Variants in TCEA3 observed in about 807,000 individuals in gnomAD.
TCEA3 encodes transcription elongation factor A protein 3.
In TCEA3, 36 loss-of-function variants were observed where a neutral mutation model predicts 44.0. That is an observed-to-expected ratio of 0.82 (90% CI 0.63 to 1.08). The LOEUF (loss-of-function observed/expected upper bound fraction) is 1.08. Among genes scored for constraint, TCEA3 ranks in the 50% least tolerant of loss-of-function variants. TCEA3 has a pLI of 0.00. For synonymous variants in TCEA3, 162 were observed against 159.7 expected, an observed-to-expected ratio of 1.01 and a Z score of -0.11; for missense variants, 392 against 441.2, an observed-to-expected ratio of 0.89 and a Z score of 1.00.
chr1:23,386,348 C>T (rs1638833963), intron 9 of TCEA3, among the ~76,000 whole-genome samples: 1 of 151,852 alleles, frequency 6.6e-6, no homozygotes, highest in African/African-American at 2.4e-5. Context: ...CATCGCCACC[C>T]ATTTCCCCCG....
intron 4 of TCEA3, among the ~76,000 whole-genome samples, chr1:23,415,736 C>T (rs532175189): frequency 1.3e-5 from 2 of 152,302 alleles, no homozygotes; most frequent in East Asian, 1.9e-4. Flanking sequence ...AAAACACACT[C>T]GTGTGAAAAG....
chr1:23,392,450 A>ACACACACTCCACACATCATGCACACCACG (rs1639073423), intron 8 of TCEA3, among the ~76,000 whole-genome samples: 1 of 52,302 alleles, frequency 1.9e-5, no homozygotes, highest in Non-Finnish European at 4.4e-5. Flanking sequence ...TGCACAATAC[A>ACACACACTCCACACATCATGCACACCACG]CACACACTCC....
At chr1:23,405,955 G>A (rs1409138189) in intron 5 of TCEA3, among the ~76,000 whole-genome samples, 9 of 152,286 alleles carry the variant, frequency 5.9e-5, no homozygotes, top group African/African-American at 1.9e-4. Context: ...GCCACGAAAT[G>A]TCAGGAGTAT....
intron 7 of TCEA3, among the ~76,000 whole-genome samples, chr1:23,396,566 G>A (rs949264082): frequency 2.0e-5 from 3 of 152,216 alleles, no homozygotes; most frequent in East Asian, 1.9e-4. Context: ...CTCCAGTCCC[G>A]CTTTGACAGT....
intron 2 of TCEA3, chr1:23,418,213 A>C: frequency 1.8e-6 from 1 of 569,042 alleles, no homozygotes; most frequent in East Asian, 2.8e-5. Context: ...GCCCAGGGCT[A>C]AGCCTGACAT....
intron 9 of TCEA3, among the ~76,000 whole-genome samples, chr1:23,387,008 C>G (rs554604350): frequency 1.5e-4 from 23 of 152,350 alleles, no homozygotes; most frequent in African/African-American, 5.3e-4. Context: ...GCGTGAGCCA[C>G]CGCGCCCGGC....
chr1:23,417,357 T>C lies in TCEA3; in HGVS notation c.272A>G (p.Glu91Gly). Residue 91 changes from glutamate (E) to glycine (G), a missense_variant, in exon 4 of 11, where the codon GAG becomes GGG. Glu to Gly is a moderately conservative substitution (Grantham distance 98, BLOSUM62 -2). Transcript: ENST00000450454. ...CTTCTTCTTTGCCTTTTCTCTTTCC[T>C]CTCCTTTTTCTCCTTTTGGGGGTCC... ...SPGPPKGEKG[E>G]EREKAKKKEK... The C allele has an allele frequency of 6.2e-7, 1 of 1,613,946 alleles. No homozygotes were observed. Among genetic ancestry groups the C allele is most frequent in the African/African-American group, 1.3e-5 (1 of 75,022 alleles).
chr1:23,390,490 C>CA (rs1175071192), intron 8 of TCEA3, among the ~76,000 whole-genome samples: 2 of 151,766 alleles, frequency 1.3e-5, no homozygotes, highest in South Asian at 2.1e-4. Context: ...AAAGAAAAAA[C>CA]AAAAAACAAA....
rs554744138 is a variant in TCEA3 at position 23,389,459 on chromosome 1, C to T, written c.820-2040G>A. ...AGCTGAGACTGCACCATTGCACTCC[C>T]GCCTGGGCAACAACAGCGAGATTCC... On this transcript the variant is annotated intron_variant, in intron 8 of 10. Coordinates refer to ENST00000450454, the MANE Select transcript of TCEA3 (RefSeq NM_003196.3). 8.1e-5 allele frequency among the ~76,000 whole-genome samples: 12 copies of T among 148,368 alleles called. No homozygotes were observed. The East Asian group carries it at 1.4e-3, about 17-fold the overall frequency.
chr1:23,381,688 T>C (rs1245006470), intron 10 of TCEA3, among the ~76,000 whole-genome samples: 5 of 152,234 alleles, frequency 3.3e-5, no homozygotes, highest in Non-Finnish European at 7.3e-5. Flanking sequence ...TATCAGGTAA[T>C]AAATGAATGG....
At chr1:23,421,410 G>T (rs1640061736) in intron 1 of TCEA3, among the ~76,000 whole-genome samples, 3 of 152,160 alleles carry the variant, frequency 2.0e-5, no homozygotes, top group African/African-American at 7.2e-5. Context: ...TGTTAGCATG[G>T]GCGCAGATCT....
At chr1:23,424,029 C>A (rs903434947) in intron 1 of TCEA3, 3 of 368,432 alleles carry the variant, frequency 8.1e-6, no homozygotes, top group Admixed American at 3.6e-5. Flanking sequence ...TCCTGACGCA[C>A]CAAGCGGTGG....
chr1:23,381,786 G>T (rs1467000609), intron 10 of TCEA3, among the ~76,000 whole-genome samples: 3 of 152,150 alleles, frequency 2.0e-5, no homozygotes, highest in Admixed American at 2.0e-4. Flanking sequence ...TAGACTTTTG[G>T]TCTCCCACAT....
At position 23,405,119 on chromosome 1, in the gene TCEA3, T is replaced by G. The variant is rs189378702; in HGVS notation, c.443+3545A>C. Among the ~76,000 whole-genome samples, 767 of 152,248 alleles carry G rather than the reference T, an allele frequency of 5.0e-3. 5 individuals carry two copies. The highest frequency in any genetic ancestry group is 0.012 in the Admixed American group (180 of 15,276). On this transcript the variant is annotated intron_variant, in intron 5 of 10. Coordinates refer to ENST00000450454, the MANE Select transcript of TCEA3 (RefSeq NM_003196.3). ...TTCAGACAGGCACATACTTTCTAGT[T>G]TGCCATGATCTCCACTAGTCACCCC...
At chr1:23,419,836 G>A (rs757330584) in intron 1 of TCEA3, among the ~76,000 whole-genome samples, 3 of 151,980 alleles carry the variant, frequency 2.0e-5, no homozygotes, top group Non-Finnish European at 2.9e-5. Flanking sequence ...ACTCCAACTC[G>A]AACAAAACAA....
chr1:23,417,966 C>T lies in TCEA3; in HGVS notation c.176G>A (p.Cys59Tyr). ...CAAGGACACCACCTCCTTGTCTGAGCAGTGCTTGCGGACCCCATTAACAGC... is the reference window on the plus strand; with the variant it reads ...CAAGGACACCACCTCCTTGTCTGAGTAGTGCTTGCGGACCCCATTAACAGC... ...GVAVNGVRKHCSDKEVVSLAK... is the reference protein window; with the variant it reads ...GVAVNGVRKHYSDKEVVSLAK... The change falls in exon 3 of 11, where the codon TGC (cysteine) becomes TAC (tyrosine). Residue 59 changes from cysteine (C) to tyrosine (Y), a missense_variant. Coordinates refer to ENST00000450454, the MANE Select transcript of TCEA3 (RefSeq NM_003196.3). 2 of 1,614,082 alleles carry T rather than the reference C, an allele frequency of 1.2e-6. No homozygotes were observed. Among genetic ancestry groups the T allele is most frequent in the East Asian group, 2.2e-5 (1 of 44,896 alleles).
chr1:23,400,262 G>A (rs959960494), intron 5 of TCEA3, among the ~76,000 whole-genome samples: 1 of 152,126 alleles, frequency 6.6e-6, no homozygotes, highest in African/African-American at 2.4e-5. Flanking sequence ...AAGAAGTGAA[G>A]TGTGTCAATC....
At chr1:23,408,006 G>A (rs1639592504) in intron 5 of TCEA3, among the ~76,000 whole-genome samples, 1 of 151,986 alleles carries the variant, frequency 6.6e-6, no homozygotes, top group Admixed American at 6.6e-5. Flanking sequence ...CTGTTGCCCA[G>A]GTTGGATTGC....
chr1:23,395,585 C>T (rs956379071), intron 7 of TCEA3, among the ~76,000 whole-genome samples: 26 of 152,162 alleles, frequency 1.7e-4, no homozygotes, highest in African/African-American at 5.5e-4. Context: ...CAGCATTTTA[C>T]GAGGCTGAGG....
Sources: allele counts gnomAD v4.1 joint callset (sites outside exome capture counted in the v4.1 genomes callset), GRCh38; gene constraint gnomAD v4.1.1; transcripts MANE v1.5; gene names NCBI Gene and HGNC (gene_info 2026-07-23, HGNC 2026-07-21).